TMEM132D: variants seen among roughly 807,000 people sequenced by gnomAD.
TMEM132D encodes the protein mature OL transmembrane protein.
In TMEM132D, 21 loss-of-function variants were observed where a neutral mutation model predicts 62.3. The ratio of observed to expected loss-of-function variants is 0.34; its 90% confidence interval spans 0.24 to 0.49. The LOEUF (loss-of-function observed/expected upper bound fraction) is 0.49. Among genes scored for constraint, TMEM132D ranks in the 20% least tolerant of loss-of-function variants. TMEM132D has a pLI of 0.99. For missense variants in TMEM132D, 1,346 were observed against 1,402.8 expected (o/e 0.96, Z 0.65); for synonymous variants, 621 against 575.6 (o/e 1.08, Z -1.13).
chr12:129,375,019 A>C (rs1484154416), intron 3 of TMEM132D, among the ~76,000 whole-genome samples: 8 of 152,150 alleles, frequency 5.3e-5, no homozygotes, highest in African/African-American at 1.9e-4. Context: ...TAGTCTAAAC[A>C]CTTAGGTTAA....
intron 3 of TMEM132D, among the ~76,000 whole-genome samples, chr12:129,430,929 C>A (rs1004273779): frequency 3.3e-5 from 5 of 152,186 alleles, no homozygotes; most frequent in African/African-American, 1.2e-4. Flanking sequence ...TAGTTGGATA[C>A]CAGCATCATC....
chr12:129,873,067 G>C (rs1000490084), intron 1 of TMEM132D, among the ~76,000 whole-genome samples: 5 of 152,150 alleles, frequency 3.3e-5, no homozygotes, highest in African/African-American at 9.7e-5. Flanking sequence ...CACGCGCCTG[G>C]AGTCTGATAG....
intron 2 of TMEM132D, chr12:129,698,236 G>A (rs1304493198): frequency 6.6e-6 from 1 of 152,000 alleles, no homozygotes; most frequent in East Asian, 2.0e-4. Flanking sequence ...CAGAAGGACG[G>A]AAGGGAACGC....
chr12:129,690,345 A>G (rs1207107815), intron 2 of TMEM132D, among the ~76,000 whole-genome samples: 1 of 152,164 alleles, frequency 6.6e-6, no homozygotes, highest in Admixed American at 6.5e-5. Flanking sequence ...ATCAATATTA[A>G]TCTATATGAA....
intron 2 of TMEM132D, among the ~76,000 whole-genome samples, chr12:129,574,765 T>C (rs928320045): frequency 5.3e-5 from 8 of 151,688 alleles, no homozygotes; most frequent in Admixed American, 3.3e-4. Context: ...CATGAACAAC[T>C]GGGAAATCTA....
At chr12:129,392,209 C>T (rs956856103) in intron 3 of TMEM132D, among the ~76,000 whole-genome samples, 14 of 151,850 alleles carry the variant, frequency 9.2e-5, no homozygotes, top group African/African-American at 3.4e-4. Flanking sequence ...AGGCATGTGC[C>T]ACCACACTCA....
intron 2 of TMEM132D, among the ~76,000 whole-genome samples, chr12:129,542,501 C>T (rs1024660760): frequency 7.2e-5 from 11 of 151,942 alleles, no homozygotes; most frequent in East Asian, 3.9e-4. Flanking sequence ...GGTATAGAAA[C>T]GTTATAAATA....
At chr12:129,828,804 A>AAGGAAAGGAGGGAGGGAGGGAGGGAGGG (rs1872743276) in intron 1 of TMEM132D, among the ~76,000 whole-genome samples, 1 of 85,364 alleles carries the variant, frequency 1.2e-5, no homozygotes, top group Non-Finnish European at 2.4e-5. Context: ...GGGAGGGAGG[A>AAGGAAAGGAGGGAGGGAGGGAGGGAGGG]AAGGAAGGGA....
intron 4 of TMEM132D, among the ~76,000 whole-genome samples, chr12:129,232,695 G>T (rs141716320): frequency 6.6e-6 from 1 of 152,264 alleles, no homozygotes; most frequent in East Asian, 1.9e-4. Flanking sequence ...ACCCGAAACT[G>T]GGTAATTTAT....
At chr12:129,209,873 G>C (rs112644575) in intron 4 of TMEM132D, 6 of 628,880 alleles carry the variant, frequency 9.5e-6, no homozygotes, top group African/African-American at 5.5e-5. Flanking sequence ...GGGCAACTAT[G>C]ATGGGGAAGG....
chr12:129,155,755 C>G (rs1054488698), intron 5 of TMEM132D, among the ~76,000 whole-genome samples: 1 of 152,190 alleles, frequency 6.6e-6, no homozygotes, highest in Non-Finnish European at 1.5e-5. Flanking sequence ...AACCAACCCA[C>G]TCCCAAGATA....
chr12:129,878,151 T>C (rs1260597579), intron 1 of TMEM132D, among the ~76,000 whole-genome samples: 1 of 152,228 alleles, frequency 6.6e-6, no homozygotes, highest in East Asian at 1.9e-4. Context: ...ATGAAAAGAC[T>C]GTGCATCAGG....
At chr12:129,644,808 C>A (rs1879728935) in intron 2 of TMEM132D, among the ~76,000 whole-genome samples, 1 of 145,358 alleles carries the variant, frequency 6.9e-6, no homozygotes, top group African/African-American at 2.5e-5. Flanking sequence ...GAAACCCCAT[C>A]TCTACTAAAA....
chr12:129,119,463 C>T (rs1448512550), intron 5 of TMEM132D, among the ~76,000 whole-genome samples: 1 of 152,164 alleles, frequency 6.6e-6, no homozygotes, highest in Non-Finnish European at 1.5e-5. Context: ...GAAATCGTAT[C>T]TTTTTCAGCA....
intron 1 of TMEM132D, among the ~76,000 whole-genome samples, chr12:129,848,953 C>T (rs574992081): frequency 1.3e-5 from 2 of 152,316 alleles, no homozygotes; most frequent in East Asian, 3.9e-4. Context: ...CTTGCCTCAT[C>T]CCAGCCAAGT....
At chr12:129,598,373 C>T (rs536905954) in intron 2 of TMEM132D, among the ~76,000 whole-genome samples, 4 of 152,260 alleles carry the variant, frequency 2.6e-5, no homozygotes, top group East Asian at 1.9e-4. Context: ...CTCTGATGGA[C>T]GTGACTGACA....
chr12:129,127,828 C>T (rs1388697213), intron 5 of TMEM132D, among the ~76,000 whole-genome samples: 2 of 152,234 alleles, frequency 1.3e-5, no homozygotes, highest in South Asian at 2.1e-4. Context: ...CTCACACTCC[C>T]GGATTCACCT....
rs115019999 is a variant in TMEM132D at position 129,581,414 on chromosome 12, T to C, written c.969-50209A>G. The stretch of plus-strand genomic sequence containing the variant: ...ATGATCACAAGGTGAAGTCCCACCA[T>C]AGGCCGTCTGGAAGCTGAGGAGCCA... On this transcript the variant is annotated intron_variant, in intron 2 of 8. Transcript: ENST00000422113. Among the ~76,000 whole-genome samples, 391 of 152,292 alleles carry C rather than the reference T, an allele frequency of 2.6e-3. 1 individual carries two copies. Among genetic ancestry groups the C allele is most frequent in the African/African-American group, 9.0e-3 (372 of 41,564 alleles).
At chr12:129,673,249 TACA>T (rs1190294586) in intron 2 of TMEM132D, among the ~76,000 whole-genome samples, 1 of 152,254 alleles carries the variant, frequency 6.6e-6, no homozygotes, top group African/African-American at 2.4e-5. Context: ...AATGGAATCA[TACA>T]ACATGTGGTC....
Sources: gnomAD v4.1 joint callset for allele counts (sites outside exome capture counted in the v4.1 genomes callset) on GRCh38, gnomAD v4.1.1 for gene constraint, MANE v1.5 for transcripts, NCBI Gene and HGNC (gene_info 2026-07-23, HGNC 2026-07-21) for gene names.